ME3: variants seen among roughly 807,000 people sequenced by gnomAD.
ME3 encodes the protein malic enzyme 3.
A neutral mutation model predicts 68.9 loss-of-function variants in ME3; 48 were observed. The observed-to-expected ratio is 0.70, with a 90% CI of 0.55 to 0.89. The LOEUF (loss-of-function observed/expected upper bound fraction) is 0.89. Ranked by LOEUF, ME3 falls within the 40% of genes least tolerant of loss-of-function variation. The probability of loss-of-function intolerance (pLI) is 0.00; values close to 1 mark genes in which losing one functional copy is unlikely to be tolerated. For missense variants in ME3, 675 were observed against 797.4 expected (o/e 0.85, Z 1.85); for synonymous variants, 320 against 318.8 (o/e 1.00, Z -0.04).
rs373105114 is a variant in ME3, at chr11:86,508,781, C to T, written c.543+11G>A. The T allele has an allele frequency of 7.4e-5, 118 of 1,600,922 alleles. No individual in the cohort carries two copies. The highest frequency in any genetic ancestry group is 1.1e-4 in the East Asian group (5 of 44,796). On this transcript the variant is annotated intron_variant, in intron 5 of 14. Transcript: ENST00000543262. ...AACAATGATTAAATAGCAATGAAAA[C>T]GGGATCATACCTTAATATTGTCTTC...
chr11:86,503,553 C>T (rs1952862184), intron 5 of ME3, among the ~76,000 whole-genome samples: 2 of 152,254 alleles, frequency 1.3e-5, no homozygotes, highest in African/African-American at 4.8e-5. Flanking sequence ...TCCTTCTGCT[C>T]TATCCTGTTT....
intron 2 of ME3, among the ~76,000 whole-genome samples, chr11:86,568,284 C>T (rs981382878): frequency 6.6e-6 from 1 of 152,066 alleles, no homozygotes; most frequent in Non-Finnish European, 1.5e-5. Context: ...AGGTGTAGTC[C>T]CCACCTGCTC....
intron 2 of ME3, among the ~76,000 whole-genome samples, chr11:86,607,171 G>T (rs1961791899): frequency 6.6e-6 from 1 of 152,162 alleles, no homozygotes; most frequent in African/African-American, 2.4e-5. Flanking sequence ...CACATTCACA[G>T]CCATGAAGAA....
chr11:86,481,721 ACCCAGAGCCT>A (rs1951420902), intron 7 of ME3, among the ~76,000 whole-genome samples: 1 of 152,150 alleles, frequency 6.6e-6, no homozygotes, highest in African/African-American at 2.4e-5. Flanking sequence ...GAGAAAAATA[ACCCAGAGCCT>A]CCTTTAGCCT....
intron 2 of ME3, among the ~76,000 whole-genome samples, chr11:86,580,744 C>T (rs1038388772): frequency 6.6e-5 from 10 of 152,226 alleles, no homozygotes; most frequent in Admixed American, 6.5e-5. Flanking sequence ...CTGCTGGCCA[C>T]TGCCATCCAT....
intron 2 of ME3, among the ~76,000 whole-genome samples, chr11:86,606,537 G>C (rs1013991843): frequency 6.6e-6 from 1 of 152,132 alleles, no homozygotes; most frequent in Non-Finnish European, 1.5e-5. Flanking sequence ...ATTCCACCAG[G>C]TATCCCCCTT....
chr11:86,507,177 T>C lies in ME3; in HGVS notation c.543+1615A>G, dbSNP rs536086075. Among the ~76,000 whole-genome samples, 17 of 152,156 alleles carry C rather than the reference T, an allele frequency of 1.1e-4. No individual in the cohort carries two copies. The South Asian group carries it at 3.5e-3, about 32-fold the overall frequency. ...TAAAGGGAGGTAGACAGAAAGAAGC[T>C]ATATTTGGTGTCCAGTGGAGAAGGG... On this transcript the variant is annotated intron_variant, in intron 5 of 14. Coordinates refer to ENST00000543262, the Ensembl canonical transcript of ME3.
chr11:86,539,411 T>A (rs1214791165), intron 4 of ME3, among the ~76,000 whole-genome samples: 3 of 152,172 alleles, frequency 2.0e-5, no homozygotes, highest in Non-Finnish European at 4.4e-5. Flanking sequence ...CATGCCACAC[T>A]TCACACATTG....
chr11:86,559,847 C>T, intron 2 of ME3, 24 bp from the exon 3 acceptor site: 2 of 1,611,488 alleles, frequency 1.2e-6, no homozygotes, highest in Non-Finnish European at 1.7e-6. Context: ...GAAAAGAACA[C>T]CCACACATAA....
intron 2 of ME3, among the ~76,000 whole-genome samples, chr11:86,574,204 T>A (rs866230905): frequency 6.6e-6 from 1 of 152,164 alleles, no homozygotes; most frequent in African/African-American, 2.4e-5. Context: ...GAAGCCTACT[T>A]CTGTCAATTC....
chr11:86,502,868 C>A (rs1029072918), intron 5 of ME3, among the ~76,000 whole-genome samples: 1 of 152,134 alleles, frequency 6.6e-6, no homozygotes, highest in East Asian at 1.9e-4. Flanking sequence ...TTTGGGTGGA[C>A]CCAATGGGAC....
intron 2 of ME3, among the ~76,000 whole-genome samples, chr11:86,645,015 C>T (rs1464580226): frequency 6.6e-6 from 1 of 152,160 alleles, no homozygotes; most frequent in Admixed American, 6.5e-5. Context: ...CCATGAGAGA[C>T]GAAGCTATGT....
At chr11:86,484,916 G>A (rs953061356) in intron 7 of ME3, among the ~76,000 whole-genome samples, 2 of 152,222 alleles carry the variant, frequency 1.3e-5, no homozygotes, top group African/African-American at 4.8e-5. Flanking sequence ...ATACCTATCC[G>A]GTTGGCTACA....
intron 2 of ME3, among the ~76,000 whole-genome samples, chr11:86,662,308 G>A (rs568449667): frequency 2.2e-4 from 34 of 152,274 alleles, no homozygotes; most frequent in African/African-American, 5.3e-4. Context: ...CTTATGCCTC[G>A]GTTTTCTCAT....
At chr11:86,531,986 C>CAGTTCGAAGTGCTA (rs1491494997) in intron 4 of ME3, among the ~76,000 whole-genome samples, 3 of 31,728 alleles carry the variant, frequency 9.5e-5, no homozygotes, top group African/African-American at 3.5e-4. Flanking sequence ...TTAAAAAAAA[C>CAGTTCGAAGTGCTA]CAAACCAAAA....
intron 2 of ME3, among the ~76,000 whole-genome samples, chr11:86,567,788 T>C (rs1399982305): frequency 6.6e-6 from 1 of 152,236 alleles, no homozygotes; most frequent in Non-Finnish European, 1.5e-5. Flanking sequence ...ATGAAGGCAC[T>C]GTAGTTGCAC....
intron 2 of ME3, among the ~76,000 whole-genome samples, chr11:86,662,213 G>C (rs887646528): frequency 4.6e-5 from 7 of 152,192 alleles, no homozygotes; most frequent in Non-Finnish European, 8.8e-5. Context: ...TACAGCGTAG[G>C]GGATAAGCCC....
At chr11:86,566,073 C>T (rs991071100) in intron 2 of ME3, among the ~76,000 whole-genome samples, 2 of 152,118 alleles carry the variant, frequency 1.3e-5, no homozygotes, top group African/African-American at 2.4e-5. Flanking sequence ...CACTGGAGCT[C>T]CTGAACACAC....
chr11:86,593,359 C>T (rs1040130733), intron 2 of ME3, among the ~76,000 whole-genome samples: 1 of 146,692 alleles, frequency 6.8e-6, no homozygotes, highest in African/African-American at 2.5e-5. Flanking sequence ...AATACTTTCT[C>T]GAAAGGTGTC....
Sources: gnomAD v4.1 joint callset for allele counts (sites outside exome capture counted in the v4.1 genomes callset) on GRCh38, gnomAD v4.1.1 for gene constraint, MANE v1.5 for transcripts, NCBI Gene and HGNC (gene_info 2026-07-23, HGNC 2026-07-21) for gene names.